Variants in SUGP2 observed in about 807,000 individuals in gnomAD.
SUGP2 encodes the protein SURP and G-patch domain containing 2.
SUGP2 carries 24 observed loss-of-function variants against 90.5 expected under a neutral mutation model. The ratio of observed to expected loss-of-function variants is 0.27; its 90% CI spans 0.19 to 0.37. SUGP2 has a LOEUF of 0.37. Ranked by LOEUF, SUGP2 falls within the 10% of genes least tolerant of loss-of-function variation. The pLI is 1.00. For missense variants in SUGP2, 1,233 were observed against 1,363.3 expected, an observed-to-expected ratio of 0.90 and a Z score of 1.51; for synonymous variants, 473 against 513.4, an observed-to-expected ratio of 0.92 and a Z score of 1.06.
At chr19:19,027,706 T>TGGCTCACC (rs1177677257) in intron 2 of SUGP2, among the ~76,000 whole-genome samples, 1 of 151,950 alleles carries the variant, frequency 6.6e-6, no homozygotes, top group East Asian at 1.9e-4. Context: ...GGTGCGATCT[T>TGGCTCACC]GGCTCACCGC....
chr19:19,001,822 C>A, intron 7 of SUGP2, 148 bp from the exon 8 acceptor site: 1 of 752,590 alleles, frequency 1.3e-6, no homozygotes, highest in Non-Finnish European at 2.3e-6. Flanking sequence ...TGAGCCCCAG[C>A]TCCTCTCAAG....
intron 1 of SUGP2, 94 bp from the exon 2 acceptor site, chr19:19,031,176 G>C: frequency 1.5e-6 from 2 of 1,360,800 alleles, no homozygotes; most frequent in Non-Finnish European, 2.0e-6. Context: ...GGGAGGTCGA[G>C]GTGGGCGGAT....
In SUGP2 at chr19:19,004,191, A is replaced by G. The variant is rs1400002576; in HGVS notation, c.2906T>C (p.Val969Ala). 6.4e-7 allele frequency: 1 copy of G among 1,570,518 alleles called. No homozygotes were observed. The highest frequency in any genetic ancestry group is 8.7e-7 in the Non-Finnish European group (1 of 1,155,666). Residue 969 changes from valine (V) to alanine (A), a missense_variant, in exon 7 of 11, where the codon GTG becomes GCG. Val to Ala is a moderately conservative substitution (Grantham distance 64). Around this residue, in one of 8 missense-constraint regions of SUGP2, gnomAD observed 105 missense variants for 155.2 expected, o/e 0.68. Transcript: ENST00000452918. ...ACCTTTTGGCTCCTGGATGAGACAC[A>G]CTCTCTTGGGAGCTGGAATCATGCC... is the stretch of plus-strand genomic sequence containing the variant. ...KVGMIPAPKRVCLIQEPKVHE... is the reference protein window; with the variant it reads ...KVGMIPAPKRACLIQEPKVHE...
At chr19:19,006,479 A>G (rs1291885326) in intron 6 of SUGP2, among the ~76,000 whole-genome samples, 1 of 152,156 alleles carries the variant, frequency 6.6e-6, no homozygotes, top group African/African-American at 2.4e-5. Flanking sequence ...TGCTCAGAAA[A>G]GGCTGTCACA....
intron 2 of SUGP2, among the ~76,000 whole-genome samples, chr19:19,029,857 C>T (rs553861403): frequency 3.3e-5 from 5 of 152,006 alleles, no homozygotes; most frequent in South Asian, 2.1e-4. Context: ...GCAGGAGAAT[C>T]GCTTGAATCC....
intron 6 of SUGP2, among the ~76,000 whole-genome samples, chr19:19,006,636 G>A (rs2058087661): frequency 1.3e-5 from 2 of 152,220 alleles, no homozygotes; most frequent in Admixed American, 6.5e-5. Context: ...CAGCTGCCCT[G>A]CACTGAGCTG....
upstream of SUGP2, chr19:19,033,795 G>A (rs2059295458): frequency 4.0e-6 from 1 of 248,976 alleles, no homozygotes; most frequent in Non-Finnish European, 7.7e-6. Flanking sequence ...TATCGTGAGC[G>A]TCCGCGAGTC....
intron 9 of SUGP2, chr19:18,994,731 C>G (rs1599377523): frequency 1.2e-5 from 7 of 562,388 alleles, no homozygotes; most frequent in Non-Finnish European, 1.9e-5. Flanking sequence ...CCAGCAGGAA[C>G]TAAGCTCAGT....
chr19:18,999,252 C>T (rs1464925048), intron 8 of SUGP2, among the ~76,000 whole-genome samples: 4 of 152,184 alleles, frequency 2.6e-5, no homozygotes, highest in African/African-American at 9.7e-5. Flanking sequence ...GCAGCCACCA[C>T]GGCCTCCCTT....
chr19:19,000,210 C>T (rs573308464), intron 8 of SUGP2, among the ~76,000 whole-genome samples: 3 of 152,216 alleles, frequency 2.0e-5, no homozygotes, highest in South Asian at 2.1e-4. Context: ...GCCTCTCTAC[C>T]GAGGCTGTGC....
At chr19:19,000,453 C>T (rs1198959378) in intron 8 of SUGP2, among the ~76,000 whole-genome samples, 1 of 152,194 alleles carries the variant, frequency 6.6e-6, no homozygotes, top group Non-Finnish European at 1.5e-5. Context: ...ACAGTCGGGA[C>T]CTGGCACGTA....
At chr19:19,031,805 C>T (rs2059163363) in intron 1 of SUGP2, among the ~76,000 whole-genome samples, 1 of 149,458 alleles carries the variant, frequency 6.7e-6, no homozygotes, top group East Asian at 2.0e-4. Context: ...CAGAGGCAAG[C>T]TGGACCCTTT....
chr19:18,999,718 G>A (rs1052806296), intron 8 of SUGP2, among the ~76,000 whole-genome samples: 1 of 152,150 alleles, frequency 6.6e-6, no homozygotes, highest in African/African-American at 2.4e-5. Context: ...GAGCGATCTC[G>A]CCTGGCTCCC....
upstream of SUGP2, chr19:19,033,770 G>A (rs1268098387): frequency 1.2e-5 from 3 of 249,036 alleles, no homozygotes; most frequent in East Asian, 2.5e-4. Context: ...ACCTTGGTTC[G>A]CGGTCGTCCT....
In SUGP2 at chr19:19,025,734, C is replaced by A. The variant is rs2145704252; in HGVS notation, c.614G>T (p.Gly205Val). The A allele has an allele frequency of 6.2e-7, 1 of 1,613,978 alleles. No homozygotes were observed. Among genetic ancestry groups the A allele is most frequent in the South Asian group, 1.1e-5 (1 of 91,074 alleles). Residue 205 changes from glycine to valine, a missense_variant, in exon 3 of 11, where the codon GGC becomes GTC. By Grantham distance (109) the Gly-to-Val change is moderately radical. Transcript: ENST00000452918. ...ACCTCTGGCCTGGACTTGACTGCCG[C>A]CCCTAAGCACAGAGTCAGCCTCCCC... is the stretch of plus-strand genomic sequence containing the variant. ...HPGEADSVLR[G>V]GSQVQARGRA...
At chr19:19,013,631 T>C (rs993044293) in intron 4 of SUGP2, among the ~76,000 whole-genome samples, 2 of 152,228 alleles carry the variant, frequency 1.3e-5, no homozygotes. Context: ...TAGTTTCTTT[T>C]ATTTCACCCC....
Position 19,033,493 on chromosome 19 carries a change from C to A in SUGP2, c.-68G>T, listed in dbSNP as rs1295184644. 5.0e-6 allele frequency: 7 copies of A among 1,406,696 alleles called. No individual in the cohort carries two copies. The highest frequency in any genetic ancestry group is 1.5e-5 in the African/African-American group (1 of 65,742). 87.1% of individuals were successfully genotyped at this position (1,406,696 alleles called of 1,614,324 possible). A position where few individuals can be genotyped will look rare whatever the true frequency, so the allele number is the denominator to read the frequency against. On this transcript the variant is annotated 5_prime_UTR_variant, in exon 1 of 11. Transcript: ENST00000452918. The stretch of plus-strand genomic sequence containing the variant: ...CCGCCGCCTCAGGCTCCTCACCCGC[C>A]GCCGCCGCCGCGCGAGGCGGGGACA...
Position 19,001,603 on chromosome 19 carries a change from T to C in SUGP2, c.2991+10A>G. 6.2e-7 allele frequency: 1 copy of C among 1,614,138 alleles called. No homozygotes were observed. The highest frequency in any genetic ancestry group is 8.5e-7 in the Non-Finnish European group (1 of 1,179,944). On this transcript the variant is annotated intron_variant, in intron 8 of 10. Coordinates refer to ENST00000452918, the MANE Select transcript of SUGP2 (RefSeq NM_001017392.5). ...TACTTTGAGTGAGGACTACCAATGATTACGCTCACCTTCTTTTTGGACATG... is the reference window on the plus strand; with the variant it reads ...TACTTTGAGTGAGGACTACCAATGACTACGCTCACCTTCTTTTTGGACATG...
chr19:19,025,648 G>A lies in SUGP2; in HGVS notation c.700C>T (p.Leu234=). The change falls in exon 3 of 11, where the codon CTG becomes TTG. Residue 234 remains leucine (L), a synonymous_variant. Coordinates refer to ENST00000452918, the MANE Select transcript of SUGP2 (RefSeq NM_001017392.5). The part of the protein sequence containing the change: ...SLLGKGETQG[L]LTAKGGVGKL... Reference sequence around the variant, plus strand: ...CCAACACCCCCCTTAGCTGTGAGCAGGCCCTGAGTCTCCCCCTTTCCTAGG... The same window carrying A: ...CCAACACCCCCCTTAGCTGTGAGCAAGCCCTGAGTCTCCCCCTTTCCTAGG... 6.2e-7 allele frequency: 1 copy of A among 1,614,008 alleles called. No individual in the cohort carries two copies. The highest frequency in any genetic ancestry group is 1.3e-5 in the African/African-American group (1 of 74,964).
Sources: gnomAD v4.1 joint callset for allele counts (sites outside exome capture counted in the v4.1 genomes callset) on GRCh38, gnomAD v4.1.1 for gene constraint, gnomAD v4.1.1 regional missense constraint, MANE v1.5 for transcripts, NCBI Gene and HGNC (gene_info 2026-07-23, HGNC 2026-07-21) for gene names.